MXRA8: variants seen among roughly 807,000 people sequenced by gnomAD.
MXRA8 encodes the protein matrix remodeling-associated protein 8.
MXRA8 carries 44 observed loss-of-function variants against 51.4 expected under a neutral mutation model. The observed-to-expected ratio is 0.86, with a 90% CI of 0.67 to 1.10. MXRA8 has a LOEUF of 1.10. MXRA8 is among the 50% of genes least tolerant of loss of function. The pLI is 0.00. For synonymous variants in MXRA8, 369 were observed against 293.5 expected, an observed-to-expected ratio of 1.26 and a Z score of -2.63; for missense variants, 765 against 638.9, an observed-to-expected ratio of 1.20 and a Z score of -2.13.
Position 1,353,107 on chromosome 1 carries a change from C to A in MXRA8, c.*497G>T, listed in dbSNP as rs934440137. 2.9e-6 allele frequency: 2 copies of A among 681,004 alleles called. No homozygotes were observed. The highest frequency in any genetic ancestry group is 5.2e-5 in the Admixed American group (2 of 38,814). The allele number at this position is 681,004 out of a possible 1,614,324, so 42.2% of individuals were successfully genotyped here. A position where few individuals can be genotyped will look rare whatever the true frequency, so the allele number is the denominator to read the frequency against. ...GGGAGCTCTCGGTGGCAGGCAGCACCCCAGGAGGAGTGGGACTCCTGCCGA... is the reference window on the plus strand; with the variant it reads ...GGGAGCTCTCGGTGGCAGGCAGCACACCAGGAGGAGTGGGACTCCTGCCGA... On this transcript the variant is annotated 3_prime_UTR_variant, in exon 10 of 10. Transcript: ENST00000309212.
Position 1,354,850 on chromosome 1 carries a change from G to C in MXRA8, c.781C>G (p.Pro261Ala). The C allele has an allele frequency of 1.2e-6, 2 of 1,612,100 alleles. No homozygotes were observed. Among genetic ancestry groups the C allele is most frequent in the Non-Finnish European group, 1.7e-6 (2 of 1,179,652 alleles). ...GTGCCCTCGTCGGCGACCTCCAGCG[G>C]CTCGATACGCAGTGAGAAGTCACCG... ...ERGDFSLRIE[P>A]LEVADEGTYS... Residue 261 changes from proline to alanine, a missense_variant, in exon 5 of 10, where the codon CCG becomes GCG. Physicochemically the swap from Pro to Ala is conservative, Grantham distance 27. Transcript: ENST00000309212.
At chr1:1,360,680 G>A (rs1644210351), upstream of MXRA8, among the ~76,000 whole-genome samples, 1 of 152,190 alleles carries the variant, frequency 6.6e-6, no homozygotes, top group Non-Finnish European at 1.5e-5. Context: ...GGGGGTTGGG[G>A]TGGAGCAAGA....
upstream of MXRA8, chr1:1,358,996 G>A: frequency 1.0e-6 from 1 of 985,468 alleles, no homozygotes; most frequent in Non-Finnish European, 1.2e-6. Flanking sequence ...CCCACCCACG[G>A]TGCACGCTGG....
chr1:1,357,740 G>A lies in MXRA8; in HGVS notation c.49+716C>T, dbSNP rs573259842. Among the ~76,000 whole-genome samples, 3 of 152,288 alleles carry A rather than the reference G, an allele frequency of 2.0e-5. No homozygotes were observed. In the South Asian group the frequency reaches 6.2e-4, roughly 32 times the overall value. The stretch of plus-strand genomic sequence containing the variant: ...CAAGAAAATGACTTGAACCCGGGAG[G>A]TGGAGGTTGCAGTGAGCCGAGATCA... On this transcript the variant is annotated intron_variant, in intron 1 of 9. Coordinates refer to ENST00000309212, the MANE Select transcript of MXRA8 (RefSeq NM_032348.4).
At position 1,353,610 on chromosome 1, in the gene MXRA8, G is replaced by T. The variant is rs867566202; in HGVS notation, c.1323C>A (p.Cys441Ter). ...CCAGGAGCCCAGGGCCTCCCTATTT[G>T]CAGTTCTCCTTCCGGAACCCTGGAA... ...DLDKGFRKEN[C>*]K The change falls in exon 10 of 10, where the codon TGC (cysteine) becomes TGA (stop). Residue 441 changes from cysteine to a stop codon, truncating the protein, a stop_gained. Transcript: ENST00000309212. LOFTEE classifies it high-confidence loss of function. The T allele has an allele frequency of 6.4e-7, 1 of 1,562,810 alleles. No homozygotes were observed. Among genetic ancestry groups the T allele is most frequent in the Non-Finnish European group, 8.7e-7 (1 of 1,152,790 alleles).
intron 1 of MXRA8, 56 bp from the exon 2 acceptor site, chr1:1,356,760 A>AC (rs1644142415): frequency 3.9e-6 from 5 of 1,297,458 alleles, no homozygotes; most frequent in South Asian, 2.3e-5. Context: ...CAGCCCCGAG[A>AC]CCCCCCACTT....
chr1:1,363,243 A>G (rs1466438180), upstream of MXRA8, among the ~76,000 whole-genome samples: 1 of 151,870 alleles, frequency 6.6e-6, no homozygotes, highest in African/African-American at 2.4e-5. Flanking sequence ...AGATTGTGCC[A>G]TTGCACTCCA....
upstream of MXRA8, among the ~76,000 whole-genome samples, chr1:1,363,236 T>C (rs1644239139): frequency 6.6e-6 from 1 of 152,220 alleles, no homozygotes; most frequent in Non-Finnish European, 1.5e-5. Context: ...TGAGCCGAGA[T>C]TGTGCCATTG....
chr1:1,353,235 T>G lies in MXRA8; in HGVS notation c.*369A>C. On this transcript the variant is annotated 3_prime_UTR_variant, in exon 10 of 10. Transcript: ENST00000309212. ...CAGAGCCCTGGAGGAGTGGGACTCC[T>G]GCCCTGAGGCTGACCCCAGTTTTGG... 6.9e-7 allele frequency: 1 copy of G among 1,439,224 alleles called. No homozygotes were observed. Among genetic ancestry groups the G allele is most frequent in the Non-Finnish European group, 9.6e-7 (1 of 1,045,690 alleles). 89.2% of individuals were successfully genotyped at this position (1,439,224 alleles called of 1,614,324 possible). A position where few individuals can be genotyped will look rare whatever the true frequency, so the allele number is the denominator to read the frequency against.
chr1:1,355,559 C>A lies in MXRA8; in HGVS notation c.267G>T (p.Leu89=), dbSNP rs1644107814. Residue 89 remains leucine, a synonymous_variant, in exon 3 of 10, where the codon CTG becomes CTT. Coordinates refer to ENST00000309212, the MANE Select transcript of MXRA8 (RefSeq NM_032348.4). ...GCTGCTCGCCCGCCGAGTACAAGTC[C>A]AGCAGGCGCCGCGCGGGGCCACCCC... ...GPGGGPARRL[L]DLYSAGEQRV... is the part of the protein sequence containing the mutation. 1 of 1,484,350 alleles carries A rather than the reference C, an allele frequency of 6.7e-7. No homozygotes were observed. Among genetic ancestry groups the A allele is most frequent in the African/African-American group, 1.5e-5 (1 of 68,608 alleles). The allele number at this position is 1,484,350 out of a possible 1,614,324, so 91.9% of individuals were successfully genotyped here.
chr1:1,353,497 G>A lies in MXRA8; in HGVS notation c.*107C>T, dbSNP rs1407104895. ...GCCCAGGCCAAATTCCAGGAAAGCGGGACCAGCCGCTGGAAGGGGGGTGAG... is the reference window on the plus strand; with the variant it reads ...GCCCAGGCCAAATTCCAGGAAAGCGAGACCAGCCGCTGGAAGGGGGGTGAG... On this transcript the variant is annotated 3_prime_UTR_variant, in exon 10 of 10. Transcript: ENST00000309212. The A allele has an allele frequency of 5.3e-6, 8 of 1,508,174 alleles. No individual in the cohort carries two copies. The African/African-American group carries it at 9.8e-5, about 18-fold the overall frequency. The allele number at this position is 1,508,174 out of a possible 1,614,324, so 93.4% of individuals were successfully genotyped here. A position where few individuals can be genotyped will look rare whatever the true frequency, so the allele number is the denominator to read the frequency against.
At chr1:1,359,198 G>A, upstream of MXRA8, 1 of 985,414 alleles carries the variant, frequency 1.0e-6, no homozygotes, top group Non-Finnish European at 1.2e-6. Flanking sequence ...AGGCCTGGGG[G>A]TGCTGGGGTG....
chr1:1,354,616 G>A (rs1375983227), intron 5 of MXRA8, 66 bp downstream of exon 5: 7 of 1,545,224 alleles, frequency 4.5e-6, no homozygotes, highest in Admixed American at 4.0e-5. Context: ...AAGGGACAGC[G>A]GGCGCAGAGC....
chr1:1,356,827 G>A, intron 1 of MXRA8, 123 bp from the exon 2 acceptor site: 2 of 854,526 alleles, frequency 2.3e-6, no homozygotes, highest in Non-Finnish European at 3.2e-6. Context: ...CCACTTCAGT[G>A]CAGGGAGGAC....
In MXRA8 at chr1:1,353,550, G is replaced by T; in HGVS notation, c.*54C>A. The stretch of plus-strand genomic sequence containing the variant: ...CCGGAGCATCAGGAGATGCCCCGAG[G>T]AGCACAGACAGGAGAGGTGCAGCTG... On this transcript the variant is annotated 3_prime_UTR_variant, in exon 10 of 10. Coordinates refer to ENST00000309212, the MANE Select transcript of MXRA8 (RefSeq NM_032348.4). 1 of 1,544,062 alleles carries T rather than the reference G, an allele frequency of 6.5e-7. No individual in the cohort carries two copies. The highest frequency in any genetic ancestry group is 8.7e-7 in the Non-Finnish European group (1 of 1,144,672).
chr1:1,360,445 T>A (rs1424223923), upstream of MXRA8, among the ~76,000 whole-genome samples: 2 of 142,706 alleles, frequency 1.4e-5, no homozygotes, highest in Non-Finnish European at 3.1e-5. Context: ...CCAGGGCCAG[T>A]GACCTGTGCC....
At position 1,353,914 on chromosome 1, in the gene MXRA8, T is replaced by C. The variant is rs1644058582; in HGVS notation, c.1237A>G (p.Ile413Val). Residue 413 changes from isoleucine to valine, a missense_variant, in exon 9 of 10, where the codon ATC (isoleucine) becomes GTC (valine). Coordinates refer to ENST00000309212, the MANE Select transcript of MXRA8 (RefSeq NM_032348.4). ...EDIQLDYKNN[I>V]LKERAELAHS... is the part of the protein sequence containing the mutation. Reference sequence around the variant, plus strand: ...GCCAGCTCCGCCCTCTCCTTCAGGATGTTGTTTTTGTAATCTGTGGGAGGA... The same window carrying C: ...GCCAGCTCCGCCCTCTCCTTCAGGACGTTGTTTTTGTAATCTGTGGGAGGA... The C allele has an allele frequency of 6.2e-7, 1 of 1,609,630 alleles. No individual in the cohort carries two copies.
At chr1:1,359,601 C>T, upstream of MXRA8, 1 of 983,556 alleles carries the variant, frequency 1.0e-6, no homozygotes, top group Non-Finnish European at 1.2e-6. Context: ...AGTCCTCAGA[C>T]AGTGGGAAGC....
chr1:1,354,001 T>G (rs1188305673), intron 8 of MXRA8, 29 bp downstream of exon 8: 3 of 1,611,466 alleles, frequency 1.9e-6, no homozygotes, highest in East Asian at 2.2e-5. Context: ...GAGCCGCGCC[T>G]GTGCCCTCGT....
Sources: gnomAD v4.1 joint callset for allele counts (sites outside exome capture counted in the v4.1 genomes callset) on GRCh38, gnomAD v4.1.1 for gene constraint, MANE v1.5 for transcripts, NCBI Gene and HGNC (gene_info 2026-07-23, HGNC 2026-07-21) for gene names.